The following LMO7 variants were observed in gnomAD, a reference collection of about 807,000 sequenced individuals.
LMO7 encodes LIM domain only protein 7.
LMO7 carries 120 observed loss-of-function variants against 206.5 expected under a neutral mutation model. The observed-to-expected ratio is 0.58, with a 90% CI of 0.50 to 0.68. The LOEUF (loss-of-function observed/expected upper bound fraction) is 0.68. Among genes scored for constraint, LMO7 ranks in the 30% least tolerant of loss-of-function variants. The pLI is 0.00. For synonymous variants in LMO7, 706 were observed against 681.5 expected, an observed-to-expected ratio of 1.04 and a Z score of -0.56; for missense variants, 1,959 against 1,957.9, an observed-to-expected ratio of 1.00 and a Z score of -0.01.
At chr13:75,714,493 A>G (rs768364440) in intron 2 of LMO7, among the ~76,000 whole-genome samples, 6 of 152,162 alleles carry the variant, frequency 3.9e-5, no homozygotes, top group South Asian at 2.1e-4. Flanking sequence ...ATTTTGTTCC[A>G]TATGAAGTTG....
At position 75,700,224 on chromosome 13, in the gene LMO7, G is replaced by A. The variant is rs189180508; in HGVS notation, c.70-12958G>A. Among the ~76,000 whole-genome samples the A allele has an allele frequency of 2.4e-3, 369 of 152,252 alleles. 2 individuals are homozygous for A. The highest frequency in any genetic ancestry group is 4.3e-3 in the Non-Finnish European group (293 of 68,022). On this transcript the variant is annotated intron_variant, in intron 1 of 30. Transcript: ENST00000377534. The stretch of plus-strand genomic sequence containing the variant: ...CACAATCATCACAGGGTCCTGAGGC[G>A]ACATACATCCTCAGCTTATGAAGAT...
intron 1 of LMO7, among the ~76,000 whole-genome samples, chr13:75,710,350 C>G (rs1468858710): frequency 2.0e-5 from 3 of 152,132 alleles, no homozygotes; most frequent in African/African-American, 4.8e-5. Flanking sequence ...GCATTGGTAG[C>G]TTGATGGGGA....
intron 1 of LMO7, among the ~76,000 whole-genome samples, chr13:75,647,419 A>G (rs1180966103): frequency 4.6e-5 from 7 of 152,212 alleles, no homozygotes; most frequent in African/African-American, 1.2e-4. Context: ...TGAAAAAAGC[A>G]ACTTTAAACC....
chr13:75,856,988 C>G (rs1229760040), intron 30 of LMO7: 1 of 158,216 alleles, frequency 6.3e-6, no homozygotes, highest in African/African-American at 2.4e-5. Flanking sequence ...TCATCAACTT[C>G]TATTATTTAA....
intron 1 of LMO7, among the ~76,000 whole-genome samples, chr13:75,672,111 A>G (rs983683164): frequency 6.6e-6 from 1 of 151,972 alleles, no homozygotes; most frequent in Non-Finnish European, 1.5e-5. Flanking sequence ...TTCCTTATAT[A>G]AGATTGTTAA....
intron 1 of LMO7, among the ~76,000 whole-genome samples, chr13:75,686,863 C>T (rs903114121): frequency 1.3e-5 from 2 of 152,058 alleles, no homozygotes; most frequent in Non-Finnish European, 2.9e-5. Context: ...AGTGAGGGAC[C>T]ACTTCCTGGT....
intron 3 of LMO7, among the ~76,000 whole-genome samples, chr13:75,738,559 T>C (rs992109584): frequency 1.3e-5 from 2 of 152,174 alleles, no homozygotes; most frequent in African/African-American, 4.8e-5. Flanking sequence ...AAATACATGT[T>C]CTCTATCTCT....
rs10617403 is a variant in LMO7 at position 75,647,066 on chromosome 13, GGTGT to G, written c.69+10357_69+10360del. Among the ~76,000 whole-genome samples, 625 of 150,992 alleles carry G rather than the reference GGTGT, an allele frequency of 4.1e-3. 19 individuals carry two copies. The highest frequency in any genetic ancestry group is 1.0e-3 in the Non-Finnish European group (68 of 67,662). On this transcript the variant is annotated intron_variant, in intron 1 of 30. Transcript: ENST00000377534. ...CACTTGCCTCTGCATTATATACATAGGTGTGTGTGTGTGTGTGTGTCTATGTGTA... is the reference window on the plus strand; with the variant it reads ...CACTTGCCTCTGCATTATATACATAGGTGTGTGTGTGTGTGTCTATGTGTA...
chr13:75,634,576 T>TA (rs1279571530), upstream of LMO7, among the ~76,000 whole-genome samples: 6 of 151,874 alleles, frequency 4.0e-5, no homozygotes, highest in East Asian at 1.9e-4. Flanking sequence ...TCGTCTCTAC[T>TA]AAAAAAATAC....
chr13:75,696,353 T>TGAAA (rs2041902514), intron 1 of LMO7, among the ~76,000 whole-genome samples: 1 of 143,512 alleles, frequency 7.0e-6, no homozygotes, highest in African/African-American at 2.7e-5. Flanking sequence ...AGACTCCATC[T>TGAAA]CAAAAAAACA....
intron 3 of LMO7, among the ~76,000 whole-genome samples, chr13:75,728,631 T>C (rs9530465): frequency 1.1e-4 from 16 of 139,388 alleles, no homozygotes; most frequent in Non-Finnish European, 2.0e-4. Flanking sequence ...TTAGTTTAAT[T>C]AGATCCCATT....
In LMO7 at chr13:75,833,119, A is replaced by T; in HGVS notation, c.3018A>T (p.Thr1006=). The change falls in exon 16 of 31, where the codon ACA becomes ACT. Residue 1006 remains threonine, a synonymous_variant. Transcript: ENST00000377534. ...TPGKSLDFGF[T]IKWDIPGIFV... ...GGAAGAGTCTTGACTTTGGGTTTAC[A>T]ATAAAATGGGATATTCCTGGGATCT... The T allele has an allele frequency of 1.9e-6, 3 of 1,610,860 alleles. No individual in the cohort carries two copies. Among genetic ancestry groups the T allele is most frequent in the Non-Finnish European group, 2.5e-6 (3 of 1,177,128 alleles).
Position 75,636,411 on chromosome 13 carries a change from C to A in LMO7, c.-247C>A. The A allele has an allele frequency of 7.5e-7, 1 of 1,338,590 alleles. No homozygotes were observed. The highest frequency in any genetic ancestry group is 9.6e-7 in the Non-Finnish European group (1 of 1,046,276). 82.9% of individuals were successfully genotyped at this position (1,338,590 alleles called of 1,614,324 possible). On this transcript the variant is annotated 5_prime_UTR_variant, in exon 1 of 31. Transcript: ENST00000377534. Reference sequence around the variant, plus strand: ...GCGTCCTGCCTGACTGCCCGGGTCCCCGCGGGCCTTGGGTCGCTTTCAGGA... The same window carrying A: ...GCGTCCTGCCTGACTGCCCGGGTCCACGCGGGCCTTGGGTCGCTTTCAGGA...
Position 75,805,570 on chromosome 13 carries a change from G to A in LMO7, c.1006G>A (p.Ala336Thr), listed in dbSNP as rs757258126. The A allele has an allele frequency of 3.7e-6, 6 of 1,613,892 alleles. No individual in the cohort carries two copies. Among genetic ancestry groups the A allele is most frequent in the Non-Finnish European group, 5.1e-6 (6 of 1,179,888 alleles). The stretch of plus-strand genomic sequence containing the variant: ...CTCTTGTTATTTGGAAGAGGAAAAA[G>A]CAAAGACAAGAAGCATACCCAACAT... ...KSSCYLEEEK[A>T]KTRSIPNIVK... The change falls in exon 9 of 31, where the codon GCA becomes ACA. Residue 336 changes from alanine (A) to threonine (T), a missense_variant. Ala to Thr is a moderately conservative substitution (Grantham distance 58). Transcript: ENST00000377534.
At chr13:75,747,943 A>G (rs2139353584) in intron 3 of LMO7, among the ~76,000 whole-genome samples, 1 of 152,290 alleles carries the variant, frequency 6.6e-6, no homozygotes, top group South Asian at 2.1e-4. Flanking sequence ...CCTCATGTAT[A>G]GGGACCAACT....
intron 1 of LMO7, among the ~76,000 whole-genome samples, chr13:75,663,384 T>G (rs1438827428): frequency 6.7e-6 from 1 of 150,374 alleles, no homozygotes; most frequent in South Asian, 2.1e-4. Flanking sequence ...AAGGTGAATG[T>G]AAGAAGTATG....
At chr13:75,711,841 T>G (rs1406103080) in intron 1 of LMO7, among the ~76,000 whole-genome samples, 1 of 152,226 alleles carries the variant, frequency 6.6e-6, no homozygotes, top group Non-Finnish European at 1.5e-5. Context: ...GGTAAATTCC[T>G]ACCCAGCATT....
upstream of LMO7, among the ~76,000 whole-genome samples, chr13:75,632,384 C>A (rs1264351267): frequency 3.3e-5 from 5 of 152,120 alleles, no homozygotes; most frequent in Non-Finnish European, 7.3e-5. Context: ...TGAACAAATA[C>A]ATGAAATCTC....
intron 25 of LMO7, 55 bp from the exon 26 acceptor site, chr13:75,845,266 CATAAAT>C: frequency 1.2e-6 from 1 of 801,344 alleles, no homozygotes; most frequent in South Asian, 1.9e-5. Flanking sequence ...GTTTTTACTT[CATAAAT>C]ATAAAGGAGG....
Sources: allele counts gnomAD v4.1 joint callset (sites outside exome capture counted in the v4.1 genomes callset), GRCh38; gene constraint gnomAD v4.1.1; transcripts MANE v1.5; gene names NCBI Gene and HGNC (gene_info 2026-07-23, HGNC 2026-07-21).